Variants in CNOT6 observed in about 807,000 individuals in gnomAD.
CNOT6 encodes CCR4-NOT transcription complex subunit 6.
In CNOT6, 12 loss-of-function variants were observed where a neutral mutation model predicts 61.2. The observed-to-expected ratio is 0.20, with a 90% confidence interval of 0.13 to 0.32. The LOEUF (loss-of-function observed/expected upper bound fraction) is 0.32, where lower values mean the gene tolerates loss of function less well. CNOT6 is among the 10% of genes least tolerant of loss of function. The pLI, the probability that CNOT6 is intolerant of heterozygous loss-of-function variation, is 1.00. For missense variants in CNOT6, 405 were observed against 663.9 expected (o/e 0.61, Z 4.28); for synonymous variants, 225 against 240.6 (o/e 0.94, Z 0.60).
chr5:180,510,321 A>G (rs1757335065), intron 1 of CNOT6, among the ~76,000 whole-genome samples: 1 of 151,548 alleles, frequency 6.6e-6, no homozygotes, highest in Non-Finnish European at 1.5e-5. Context: ...GTAAACTTTT[A>G]ACTGGCCAAT....
chr5:180,546,654 A>C (rs896755804), intron 2 of CNOT6, among the ~76,000 whole-genome samples: 68 of 152,358 alleles, frequency 4.5e-4, no homozygotes, highest in African/African-American at 1.6e-3. Flanking sequence ...TAGAGAAAAT[A>C]ATCTCATACA....
Position 180,534,690 on chromosome 5 carries a change from A to G in CNOT6, c.112+5302A>G, listed in dbSNP as rs1376306197. ...GTCCGAGAGGCCCTCGGAATCCACC[A>G]TGGCATGGGCCGGAGTCCCTGGGGT... On this transcript the variant is annotated intron_variant, in intron 2 of 11. Transcript: ENST00000261951. 12 of 137,598 alleles carry G rather than the reference A, an allele frequency of 8.7e-5. No homozygotes were observed. In the South Asian group the frequency reaches 1.1e-3, roughly 12 times the overall value. 8.5% of individuals were successfully genotyped at this position (137,598 alleles called of 1,614,324 possible).
chr5:180,538,771 G>A (rs1484532448), intron 2 of CNOT6, among the ~76,000 whole-genome samples: 2 of 150,736 alleles, frequency 1.3e-5, no homozygotes, highest in Non-Finnish European at 2.9e-5. Flanking sequence ...CTACCCAAGA[G>A]GCTGAGGTGG....
intron 2 of CNOT6, among the ~76,000 whole-genome samples, chr5:180,540,191 C>G (rs1758961904): frequency 6.6e-6 from 1 of 152,184 alleles, no homozygotes; most frequent in African/African-American, 2.4e-5. Context: ...TTTAGACTTA[C>G]TGTGGACACC....
At chr5:180,495,035 G>A (rs1581450877) in intron 1 of CNOT6, among the ~76,000 whole-genome samples, 1 of 152,142 alleles carries the variant, frequency 6.6e-6, no homozygotes, top group Non-Finnish European at 1.5e-5. Context: ...GTCGGCGCTG[G>A]GCTCCCGGAT....
intron 1 of CNOT6, among the ~76,000 whole-genome samples, chr5:180,510,134 C>CTTTTTTTTTTTTTTTTTTTT (rs56899929): frequency 5.4e-5 from 2 of 37,382 alleles, no homozygotes; most frequent in Non-Finnish European, 4.8e-5. Context: ...GTCTGTAAAC[C>CTTTTTTTTTTTTTTTTTTTT]TTTTTTTTTT....
intron 1 of CNOT6, among the ~76,000 whole-genome samples, chr5:180,520,370 G>A (rs557577191): frequency 1.3e-5 from 2 of 152,244 alleles, no homozygotes; most frequent in Non-Finnish European, 2.9e-5. Flanking sequence ...TGGGCCGGGC[G>A]CGGTGGCTCA....
intron 1 of CNOT6, among the ~76,000 whole-genome samples, chr5:180,521,603 A>C (rs557727096): frequency 6.6e-6 from 1 of 152,312 alleles, no homozygotes; most frequent in East Asian, 1.9e-4. Flanking sequence ...GTACATGTGC[A>C]GGTTTGTTAC....
chr5:180,502,235 G>C (rs933922510), intron 1 of CNOT6, among the ~76,000 whole-genome samples: 1 of 151,992 alleles, frequency 6.6e-6, no homozygotes, highest in Non-Finnish European at 1.5e-5. Flanking sequence ...TTTTTATTTG[G>C]TGATACAAAA....
intron 2 of CNOT6, among the ~76,000 whole-genome samples, chr5:180,544,999 T>C (rs1007950807): frequency 6.6e-6 from 1 of 152,232 alleles, no homozygotes; most frequent in African/African-American, 2.4e-5. Flanking sequence ...AAATGCCTTA[T>C]TCATATTGAA....
At chr5:180,550,966 C>T (rs1026281769) in intron 3 of CNOT6, among the ~76,000 whole-genome samples, 2 of 152,076 alleles carry the variant, frequency 1.3e-5, no homozygotes, top group Admixed American at 6.6e-5. Context: ...CTTGGACAAC[C>T]TTCTTGACCC....
chr5:180,520,532 C>T (rs1157884461), intron 1 of CNOT6, among the ~76,000 whole-genome samples: 3 of 151,980 alleles, frequency 2.0e-5, no homozygotes, highest in Non-Finnish European at 4.4e-5. Context: ...ATCCCAGCTA[C>T]TCGGGAGGCT....
chr5:180,553,055 TTGCAAACTGTCTTGCCAGTC>T (rs1759701589), intron 3 of CNOT6, among the ~76,000 whole-genome samples: 1 of 152,218 alleles, frequency 6.6e-6, no homozygotes, highest in East Asian at 1.9e-4. Context: ...TGGTGCCAGT[TTGCAAACTGTCTTGCCAGTC>T]TGCAGTGAGA....
chr5:180,550,188 CT>C, intron 3 of CNOT6, 71 bp downstream of exon 3: 1 of 1,215,192 alleles, frequency 8.2e-7, no homozygotes. Context: ...GGCGCAGTGG[CT>C]TATGCCTGTA....
chr5:180,570,625 A>G (rs35066026), intron 10 of CNOT6, among the ~76,000 whole-genome samples: 29,552 of 152,234 alleles, frequency 0.19, 2,968 homozygotes, highest in Non-Finnish European at 0.22. Flanking sequence ...GAAATACAGT[A>G]TTATAATAGC....
chr5:180,497,450 T>A (rs1194739544), intron 1 of CNOT6, among the ~76,000 whole-genome samples: 1 of 152,194 alleles, frequency 6.6e-6, no homozygotes, highest in African/African-American at 2.4e-5. Flanking sequence ...ATAATATATG[T>A]AAGACATATT....
At chr5:180,518,333 G>GAT (rs1757739106) in intron 1 of CNOT6, among the ~76,000 whole-genome samples, 1 of 152,086 alleles carries the variant, frequency 6.6e-6, no homozygotes, top group Non-Finnish European at 1.5e-5. Context: ...TCTTTTGATT[G>GAT]GCCATTTTAC....
chr5:180,571,994 AC>A (rs1760776045), intron 11 of CNOT6, among the ~76,000 whole-genome samples: 1 of 152,108 alleles, frequency 6.6e-6, no homozygotes, highest in Non-Finnish European at 1.5e-5. Context: ...TCCTAAGTTG[AC>A]TTTTTCACCT....
At chr5:180,519,714 CTTAT>C (rs1757797094) in intron 1 of CNOT6, among the ~76,000 whole-genome samples, 1 of 148,542 alleles carries the variant, frequency 6.7e-6, no homozygotes, top group African/African-American at 2.5e-5. Context: ...TCTTGGGTCT[CTTAT>C]TTAATGTTTG....
Sources: allele counts gnomAD v4.1 joint callset (sites outside exome capture counted in the v4.1 genomes callset), GRCh38; gene constraint gnomAD v4.1.1; transcripts MANE v1.5; gene names NCBI Gene and HGNC (gene_info 2026-07-23, HGNC 2026-07-21).